SLIT3: variants seen among roughly 807,000 people sequenced by gnomAD.
SLIT3 encodes slit homolog 3 protein.
A neutral mutation model predicts 184.0 loss-of-function variants in SLIT3; 68 were observed. The ratio of observed to expected loss-of-function variants is 0.37; its 90% confidence interval spans 0.30 to 0.45. SLIT3 has a LOEUF of 0.45. SLIT3 is among the 20% of genes least tolerant of loss of function. SLIT3 has a pLI of 1.00. For synonymous variants in SLIT3, 831 were observed against 828.6 expected, an observed-to-expected ratio of 1.00 and a Z score of -0.05; for missense variants, 1,707 against 2,026.0, an observed-to-expected ratio of 0.84 and a Z score of 3.02.
intron 3 of SLIT3, among the ~76,000 whole-genome samples, chr5:169,213,218 A>G (rs1464029255): frequency 1.3e-5 from 2 of 152,076 alleles, no homozygotes; most frequent in African/African-American, 4.8e-5. Flanking sequence ...CACAATTGCT[A>G]CTAAGAGAAA....
At chr5:168,723,690 C>T (rs1430244347) in intron 21 of SLIT3, among the ~76,000 whole-genome samples, 2 of 152,190 alleles carry the variant, frequency 1.3e-5, no homozygotes, top group Non-Finnish European at 2.9e-5. Context: ...CAGTCCTCTG[C>T]CAGCTGCAAC....
intron 19 of SLIT3, among the ~76,000 whole-genome samples, 179 bp from the exon 20 acceptor site, chr5:168,748,613 T>C (rs933292076): frequency 1.3e-5 from 2 of 152,152 alleles, no homozygotes; most frequent in Admixed American, 6.5e-5. Context: ...CGCCTACCTT[T>C]TACCTCATTT....
intron 1 of SLIT3, among the ~76,000 whole-genome samples, chr5:169,275,737 C>T (rs1303304754): frequency 6.6e-6 from 1 of 152,096 alleles, no homozygotes; most frequent in Non-Finnish European, 1.5e-5. Context: ...AGACCAGCCC[C>T]CATGATTCAA....
chr5:169,239,618 T>C (rs1288376181), intron 3 of SLIT3, among the ~76,000 whole-genome samples: 2 of 152,132 alleles, frequency 1.3e-5, no homozygotes, highest in Non-Finnish European at 2.9e-5. Context: ...ATAATATCCA[T>C]ACTAATATCC....
intron 3 of SLIT3, among the ~76,000 whole-genome samples, chr5:169,205,646 T>C (rs761944126): frequency 6.6e-6 from 1 of 152,228 alleles, no homozygotes; most frequent in African/African-American, 2.4e-5. Context: ...CTACTCCACT[T>C]ATCTAACAGA....
At chr5:169,006,901 A>G (rs1269072524) in intron 4 of SLIT3, among the ~76,000 whole-genome samples, 2 of 152,118 alleles carry the variant, frequency 1.3e-5, no homozygotes, top group African/African-American at 4.8e-5. Context: ...GGCACTTGGT[A>G]AGCCAGGCTA....
intron 4 of SLIT3, among the ~76,000 whole-genome samples, chr5:169,155,500 A>C (rs1264514200): frequency 6.6e-6 from 1 of 152,224 alleles, no homozygotes; most frequent in Admixed American, 6.5e-5. Flanking sequence ...GGAGCAAAAG[A>C]TCCCCAAATA....
At chr5:169,228,669 A>AT (rs1432489623) in intron 3 of SLIT3, among the ~76,000 whole-genome samples, 3 of 152,126 alleles carry the variant, frequency 2.0e-5, no homozygotes, top group South Asian at 4.2e-4. Context: ...CAGAATACAA[A>AT]TTTTTTTAAA....
intron 4 of SLIT3, among the ~76,000 whole-genome samples, chr5:169,029,549 C>T (rs982858290): frequency 4.6e-5 from 7 of 152,186 alleles, no homozygotes; most frequent in Middle Eastern, 3.2e-3. Context: ...AGAAACTAAG[C>T]AAGAAATGAG....
intron 6 of SLIT3, among the ~76,000 whole-genome samples, chr5:168,830,750 GAGCCAATATTCAA>G (rs1404230592): frequency 6.6e-6 from 1 of 152,122 alleles, no homozygotes. Context: ...CAGAGGTGCG[GAGCCAATATTCAA>G]AGCCCAGAGG....
At chr5:169,263,697 C>G (rs1581116354) in intron 1 of SLIT3, 2 of 510,722 alleles carry the variant, frequency 3.9e-6, no homozygotes, top group Non-Finnish European at 8.0e-6. Flanking sequence ...ACACCCCACA[C>G]TCCCCCTGCA....
At chr5:169,273,009 C>T (rs1766682407) in intron 1 of SLIT3, among the ~76,000 whole-genome samples, 1 of 152,164 alleles carries the variant, frequency 6.6e-6, no homozygotes, top group South Asian at 2.1e-4. Context: ...TGTGTGTTTC[C>T]ACCAAGAAAC....
chr5:169,281,871 A>AT (rs1050513425), intron 1 of SLIT3, among the ~76,000 whole-genome samples: 3 of 66,002 alleles, frequency 4.5e-5, no homozygotes, highest in Admixed American at 1.4e-4. Flanking sequence ...ACCAGAGGTA[A>AT]TTTTCCCCCC....
At chr5:169,293,068 G>C (rs566948191) in intron 1 of SLIT3, among the ~76,000 whole-genome samples, 1 of 152,308 alleles carries the variant, frequency 6.6e-6, no homozygotes, top group South Asian at 2.1e-4. Flanking sequence ...ACTATGGATG[G>C]AGTACGAGGC....
chr5:168,831,099 GT>G (rs1320185630), intron 6 of SLIT3, among the ~76,000 whole-genome samples: 1 of 152,180 alleles, frequency 6.6e-6, no homozygotes, highest in Non-Finnish European at 1.5e-5. Flanking sequence ...GGCGTCTAAG[GT>G]CAAAGTTTGG....
intron 6 of SLIT3, among the ~76,000 whole-genome samples, chr5:168,832,737 T>C (rs1757921795): frequency 6.6e-6 from 1 of 152,184 alleles, no homozygotes; most frequent in South Asian, 2.1e-4. Context: ...TCTTCCCTTT[T>C]GTTATTTTTA....
intron 4 of SLIT3, among the ~76,000 whole-genome samples, chr5:169,078,004 T>A (rs1157663706): frequency 1.3e-5 from 2 of 152,150 alleles, no homozygotes; most frequent in Admixed American, 1.3e-4. Context: ...CCATACAGGA[T>A]CAAGATTCAG....
At chr5:168,933,659 G>C (rs1762066364) in intron 4 of SLIT3, among the ~76,000 whole-genome samples, 1 of 152,208 alleles carries the variant, frequency 6.6e-6, no homozygotes, top group Admixed American at 6.5e-5. Context: ...TGGTTAGTAA[G>C]TGCTGGAGCC....
At chr5:169,031,442 A>T in intron 4 of SLIT3, among the ~76,000 whole-genome samples, 1 of 150,762 alleles carries the variant, frequency 6.6e-6, no homozygotes, top group Non-Finnish European at 1.5e-5. Flanking sequence ...TCGTAATAAA[A>T]GCTATGCAGG....
Sources: gnomAD v4.1 joint callset for allele counts (sites outside exome capture counted in the v4.1 genomes callset) on GRCh38, gnomAD v4.1.1 for gene constraint, MANE v1.5 for transcripts, NCBI Gene and HGNC (gene_info 2026-07-23, HGNC 2026-07-21) for gene names.